The following PUM1 variants were observed in gnomAD, a reference collection of about 807,000 sequenced individuals.
PUM1 encodes pumilio RNA binding family member 1, also known as pumilio homolog 1.
Under a neutral mutation model 131.8 loss-of-function variants are expected in PUM1, and 13 were observed. That is an observed-to-expected ratio of 0.10 (90% CI 0.06 to 0.16). PUM1 has a LOEUF of 0.16. PUM1 is among the 10% of genes least tolerant of loss of function. The probability of loss-of-function intolerance (pLI) is 1.00; values close to 1 mark genes in which losing one functional copy is unlikely to be tolerated. For missense variants in PUM1, 961 were observed against 1,512.4 expected (o/e 0.64, Z 6.05); for synonymous variants, 509 against 556.5 (o/e 0.91, Z 1.20).
intron 2 of PUM1, among the ~76,000 whole-genome samples, chr1:31,039,212 CAA>C (rs34454596): frequency 2.2e-5 from 3 of 137,696 alleles, no homozygotes; most frequent in Non-Finnish European, 4.7e-5. Context: ...CCCACGCTAA[CAA>C]AAAAAAAATT....
rs200969252 is a variant in PUM1, at chr1:31,035,596, A to G, written c.364-6732T>C. ...GAGAAACACCGTCTCTACTAAAAAT[A>G]CAAAATTAGCCGGGCATGGTGGCGT... On this transcript the variant is annotated intron_variant, in intron 2 of 21. Transcript: ENST00000426105. Among the ~76,000 whole-genome samples the G allele has an allele frequency of 9.2e-5, 14 of 151,896 alleles. No individual in the cohort carries two copies. The East Asian group carries it at 2.0e-3, about 21-fold the overall frequency.
rs979468170 is a variant in PUM1, at chr1:30,932,848, C to CT, written c.*362dup. ...TCCTTTTTTTCTTTTTTTTTTAAAG[C>CT]TTTTTTTTTTTGTTAAACCAACCAC... On this transcript the variant is annotated 3_prime_UTR_variant, in exon 22 of 22. Transcript: ENST00000426105. 3.9e-3 allele frequency: 550 copies of CT among 140,870 alleles called. 3 individuals are homozygous for CT. The highest frequency in any genetic ancestry group is 8.9e-3 in the African/African-American group (340 of 38,088). 8.7% of individuals were successfully genotyped at this position (140,870 alleles called of 1,614,324 possible).
intron 17 of PUM1, among the ~76,000 whole-genome samples, chr1:30,946,331 C>T (rs1044990963): frequency 4.3e-5 from 6 of 140,694 alleles, no homozygotes; most frequent in Non-Finnish European, 9.5e-5. Flanking sequence ...ATCACAGAGC[C>T]TATAATTAAA....
At position 30,941,254 on chromosome 1, in the gene PUM1, C is replaced by T; in HGVS notation, c.3139G>A (p.Val1047Ile). ...CCGTGCTCCAGTACATGTTGGATTA[C>T]ATAATTTCCATATTGATCCTGTTTG... is the stretch of plus-strand genomic sequence containing the variant. ...QLVQDQYGNY[V>I]IQHVLEHGRP... The change falls in exon 20 of 22, where the codon GTA becomes ATA. Residue 1047 changes from valine to isoleucine, a missense_variant. Val to Ile is a conservative substitution (Grantham distance 29). Around this residue, in one of 4 missense-constraint regions of PUM1, gnomAD observed 178 missense variants for 327.5 expected, o/e 0.54. Coordinates refer to ENST00000426105, the MANE Select transcript of PUM1 (RefSeq NM_001020658.2). 6.2e-7 allele frequency: 1 copy of T among 1,611,404 alleles called. No homozygotes were observed. The highest frequency in any genetic ancestry group is 8.5e-7 in the Non-Finnish European group (1 of 1,178,394).
intron 3 of PUM1, among the ~76,000 whole-genome samples, chr1:31,015,095 G>A (rs1036974201): frequency 2.0e-5 from 3 of 152,174 alleles, no homozygotes; most frequent in African/African-American, 7.2e-5. Flanking sequence ...AATTGTACAT[G>A]TAAAGACTGC....
intron 1 of PUM1, among the ~76,000 whole-genome samples, chr1:31,060,338 G>A (rs1424423965): frequency 6.6e-6 from 1 of 151,272 alleles, no homozygotes; most frequent in East Asian, 2.0e-4. Flanking sequence ...CTGGGCACCT[G>A]TAATCCCAGC....
At chr1:30,971,346 C>T (rs1033595853) in intron 10 of PUM1, among the ~76,000 whole-genome samples, 1 of 152,084 alleles carries the variant, frequency 6.6e-6, no homozygotes, top group African/African-American at 2.4e-5. Context: ...CAGAAACTGG[C>T]ACCCAAAAAA....
intron 10 of PUM1, among the ~76,000 whole-genome samples, chr1:30,973,631 T>G (rs1641019035): frequency 2.0e-5 from 3 of 152,082 alleles, no homozygotes; most frequent in Non-Finnish European, 4.4e-5. Flanking sequence ...AAGTATGAAA[T>G]CAGAATGTAA....
intron 14 of PUM1, among the ~76,000 whole-genome samples, chr1:30,958,928 A>T (rs1640287376): frequency 6.6e-6 from 1 of 152,218 alleles, no homozygotes; most frequent in Non-Finnish European, 1.5e-5. Flanking sequence ...ATTCATGGGT[A>T]TATATGCATG....
At chr1:31,059,112 A>C (rs1001035356) in intron 2 of PUM1, 92 bp downstream of exon 2, 1 of 1,396,540 alleles carries the variant, frequency 7.2e-7, no homozygotes, top group Non-Finnish European at 9.7e-7. Flanking sequence ...TCAGCAATTT[A>C]AGTTTTTAAA....
rs940459692 is a variant in PUM1, at chr1:30,933,052, C to T, written c.*159G>A. On this transcript the variant is annotated 3_prime_UTR_variant, in exon 22 of 22. Coordinates refer to ENST00000426105, the MANE Select transcript of PUM1 (RefSeq NM_001020658.2). ...TAAAATTAAATTTACAAAGGCTTTT[C>T]CACTCGTGGATTTGATTCCTTTTTT... is the stretch of plus-strand genomic sequence containing the variant. 1 of 854,204 alleles carries T rather than the reference C, an allele frequency of 1.2e-6. No individual in the cohort carries two copies. Among genetic ancestry groups the T allele is most frequent in the Non-Finnish European group, 1.8e-6 (1 of 569,846 alleles). 52.9% of individuals were successfully genotyped at this position (854,204 alleles called of 1,614,324 possible). A position where few individuals can be genotyped will look rare whatever the true frequency, so the allele number is the denominator to read the frequency against.
rs947601153 is a variant in PUM1, at chr1:30,932,340, A to G, written c.*871T>C. 3.3e-5 allele frequency: 5 copies of G among 152,532 alleles called. No individual in the cohort carries two copies. The highest frequency in any genetic ancestry group is 1.2e-4 in the African/African-American group (5 of 41,456). The allele number at this position is 152,532 out of a possible 1,614,324, so 9.4% of individuals were successfully genotyped here. ...AAGAAAATACTACAAATTTGTATAT[A>G]TGCAAAGTCTACACCAAGTATACAC... On this transcript the variant is annotated 3_prime_UTR_variant, in exon 22 of 22. Coordinates refer to ENST00000426105, the MANE Select transcript of PUM1 (RefSeq NM_001020658.2).
At chr1:30,972,363 G>A (rs1221669787) in intron 10 of PUM1, among the ~76,000 whole-genome samples, 4 of 34 alleles carry the variant, frequency 0.12, 2 homozygotes, top group Non-Finnish European at 0.11. Flanking sequence ...GGAGGGGAGG[G>A]GAGGGGAGGG....
intron 7 of PUM1, among the ~76,000 whole-genome samples, chr1:30,985,494 A>G (rs1641516729): frequency 6.6e-6 from 1 of 152,044 alleles, no homozygotes; most frequent in South Asian, 2.1e-4. Context: ...CTCTAATAAA[A>G]ATACAAAATT....
intron 2 of PUM1, chr1:31,051,164 A>C (rs933102911): frequency 6.6e-6 from 1 of 152,134 alleles, no homozygotes; most frequent in Non-Finnish European, 1.5e-5. Context: ...CCCTTCAAAA[A>C]AAAAAAGACT....
intron 5 of PUM1, among the ~76,000 whole-genome samples, chr1:30,999,606 C>CAAAAAAAAAAAAAAAAAAAAAAAAAA (rs56936440): frequency 1.9e-5 from 1 of 53,980 alleles, no homozygotes; most frequent in South Asian, 8.0e-4. Context: ...GACTCTGTCT[C>CAAAAAAAAAAAAAAAAAAAAAAAAAA]AAAAAAAAAA....
chr1:31,057,270 T>C (rs915682688), intron 2 of PUM1, among the ~76,000 whole-genome samples: 3 of 151,554 alleles, frequency 2.0e-5, no homozygotes, highest in Non-Finnish European at 4.4e-5. Flanking sequence ...GGGTGTAGTG[T>C]TGCAAACCTG....
Position 31,028,875 on chromosome 1 carries a change from G to A in PUM1, c.364-11C>T. 4 of 1,608,468 alleles carry A rather than the reference G, an allele frequency of 2.5e-6. No individual in the cohort carries two copies. The highest frequency in any genetic ancestry group is 1.3e-5 in the African/African-American group (1 of 74,916). On this transcript the variant is annotated splice_polypyrimidine_tract_variant and intron_variant, in intron 2 of 21. Transcript: ENST00000426105. ...ATCCATGGAACGCACCTATTGTTTA[G>A]AATAGAGAAGGAAAAATCTTCAAGT... is the stretch of plus-strand genomic sequence containing the variant.
chr1:30,979,519 C>CTGG (rs1041716734), intron 9 of PUM1, among the ~76,000 whole-genome samples: 1 of 152,062 alleles, frequency 6.6e-6, no homozygotes, highest in African/African-American at 2.4e-5. Flanking sequence ...ACACCACCAC[C>CTGG]CCCACCCCGA....
Sources: gnomAD v4.1 joint callset for allele counts (sites outside exome capture counted in the v4.1 genomes callset) on GRCh38, gnomAD v4.1.1 for gene constraint, gnomAD v4.1.1 regional missense constraint, MANE v1.5 for transcripts, NCBI Gene and HGNC (gene_info 2026-07-23, HGNC 2026-07-21) for gene names.